The following MARCHF5 variants were observed in gnomAD, a reference collection of about 807,000 sequenced individuals.
MARCHF5 encodes membrane associated ring-CH-type finger 5.
Under a neutral mutation model 36.5 loss-of-function variants are expected in MARCHF5, and 5 were observed. The ratio of observed to expected loss-of-function variants is 0.14; its 90% confidence interval spans 0.07 to 0.29. The LOEUF (loss-of-function observed/expected upper bound fraction) is 0.29, where lower values mean the gene tolerates loss of function less well. MARCHF5 is among the 10% of genes least tolerant of loss of function. The pLI is 1.00. For missense variants in MARCHF5, 179 were observed against 336.3 expected (o/e 0.53, Z 3.66); for synonymous variants, 103 against 109.9 (o/e 0.94, Z 0.39).
intron 1 of MARCHF5, among the ~76,000 whole-genome samples, chr10:92,298,719 T>C (rs1043690771): frequency 1.2e-4 from 18 of 152,124 alleles, no homozygotes; most frequent in Non-Finnish European, 1.0e-4. Flanking sequence ...TGGGACTGCA[T>C]GTCCAGCTAA....
At chr10:92,324,137 T>C (rs1417103629) in intron 2 of MARCHF5, among the ~76,000 whole-genome samples, 2 of 151,910 alleles carry the variant, frequency 1.3e-5, no homozygotes, top group South Asian at 2.1e-4. Context: ...TCTAATGACA[T>C]ATGATGTGAA....
chr10:92,348,048 A>C (rs1843675696), intron 3 of MARCHF5, among the ~76,000 whole-genome samples: 1 of 151,258 alleles, frequency 6.6e-6, no homozygotes, highest in African/African-American at 2.4e-5. Context: ...CTGGGCGTGG[A>C]GGTGCACACC....
intron 2 of MARCHF5, among the ~76,000 whole-genome samples, chr10:92,337,520 A>G (rs1843518516): frequency 6.6e-6 from 1 of 152,116 alleles, no homozygotes; most frequent in African/African-American, 2.4e-5. Context: ...CTCCGTCTCA[A>G]AAAAAATAAA....
At chr10:92,323,737 G>C (rs1345277585) in intron 2 of MARCHF5, among the ~76,000 whole-genome samples, 2 of 152,138 alleles carry the variant, frequency 1.3e-5, no homozygotes, top group Non-Finnish European at 2.9e-5. Flanking sequence ...TAGCTTGGTA[G>C]ATCATTTCAT....
At chr10:92,350,545 G>T (rs913628796) in intron 5 of MARCHF5, among the ~76,000 whole-genome samples, 2 of 152,208 alleles carry the variant, frequency 1.3e-5, no homozygotes, top group Admixed American at 6.5e-5. Flanking sequence ...TTGGTTCACA[G>T]CAGGCTTGCG....
chr10:92,345,782 C>T (rs1490281760), intron 3 of MARCHF5, among the ~76,000 whole-genome samples: 3 of 146,390 alleles, frequency 2.0e-5, no homozygotes, highest in South Asian at 2.2e-4. Context: ...CATCCTCGAA[C>T]TCCCTGGGCT....
chr10:92,342,619 A>T (rs1843593449), intron 3 of MARCHF5, among the ~76,000 whole-genome samples: 1 of 152,128 alleles, frequency 6.6e-6, no homozygotes, highest in African/African-American at 2.4e-5. Flanking sequence ...ATCTGACTTC[A>T]TGTTCTTCTG....
At chr10:92,328,247 A>G (rs558276399) in intron 2 of MARCHF5, among the ~76,000 whole-genome samples, 11 of 149,836 alleles carry the variant, frequency 7.3e-5, no homozygotes, top group Middle Eastern at 7.0e-3. Context: ...ACCACATTAC[A>G]TTTAGTCATG....
At chr10:92,344,892 G>C (rs980028221) in intron 3 of MARCHF5, among the ~76,000 whole-genome samples, 2 of 151,812 alleles carry the variant, frequency 1.3e-5, no homozygotes, top group Admixed American at 6.6e-5. Flanking sequence ...TTTAACCCTT[G>C]CAACAATTTT....
Position 92,291,541 on chromosome 10 carries a change from T to A in MARCHF5, c.35+12T>A. On this transcript the variant is annotated intron_variant, in intron 1 of 5. Transcript: ENST00000358935. ...CAGATGCTGGACAGGTACGGGCAGC[T>A]GTGGGGGGGACCGGGAGCCGCCGAC... is the stretch of plus-strand genomic sequence containing the variant. The A allele has an allele frequency of 6.5e-7, 1 of 1,536,602 alleles. No homozygotes were observed. The highest frequency in any genetic ancestry group is 1.2e-5 in the South Asian group (1 of 83,552).
chr10:92,317,513 A>G (rs980821821), intron 2 of MARCHF5, among the ~76,000 whole-genome samples: 6 of 152,112 alleles, frequency 3.9e-5, no homozygotes, highest in African/African-American at 1.4e-4. Context: ...GTGTAAATGG[A>G]ATTGTTTTCT....
chr10:92,311,386 A>T, intron 2 of MARCHF5, 49 bp downstream of exon 2: 3 of 1,264,512 alleles, frequency 2.4e-6, no homozygotes, highest in Non-Finnish European at 3.3e-6. Flanking sequence ...GTTATTATAT[A>T]TAACTTTATA....
At chr10:92,328,193 G>A (rs1037848228) in intron 2 of MARCHF5, among the ~76,000 whole-genome samples, 5 of 149,342 alleles carry the variant, frequency 3.3e-5, no homozygotes, top group Admixed American at 6.7e-5. Flanking sequence ...ATGACTAAAT[G>A]TAATTCACAT....
At chr10:92,309,960 A>T (rs1843124670) in intron 1 of MARCHF5, among the ~76,000 whole-genome samples, 1 of 152,204 alleles carries the variant, frequency 6.6e-6, no homozygotes, top group Admixed American at 6.5e-5. Context: ...TTTTACTTAG[A>T]TCTTATGAAA....
At chr10:92,331,604 A>G (rs759021321) in intron 2 of MARCHF5, among the ~76,000 whole-genome samples, 26 of 151,926 alleles carry the variant, frequency 1.7e-4, no homozygotes, top group Admixed American at 3.3e-4. Context: ...TATAATTTAC[A>G]TTTATTTTAA....
At position 92,349,488 on chromosome 10, in the gene MARCHF5, G is replaced by A. The variant is rs757883961; in HGVS notation, c.509G>A (p.Arg170His). ...GAGGACTATGTGCTTAGACTGTGGC[G>A]CAAATACTCGAATAAACTACAAATT... ...RWEDYVLRLW[R>H]KYSNKLQILN... The change falls in exon 4 of 6, where the codon CGC (arginine) becomes CAC (histidine). Residue 170 changes from arginine to histidine, a missense_variant. By Grantham distance (29) the Arg-to-His change is conservative. Around this residue, in one of 3 missense-constraint regions of MARCHF5, gnomAD observed 95 missense variants for 139.5 expected, o/e 0.68. Coordinates refer to ENST00000358935, the MANE Select transcript of MARCHF5 (RefSeq NM_017824.5). 6.2e-6 allele frequency: 10 copies of A among 1,613,872 alleles called. No homozygotes were observed. Among genetic ancestry groups the A allele is most frequent in the South Asian group, 1.1e-5 (1 of 90,980 alleles).
At position 92,291,187 on chromosome 10, in the gene MARCHF5, C is replaced by CCGCCGGCAGCAACT. The variant is rs1049496246; in HGVS notation, c.-305_-292dup. Reference sequence around the variant, plus strand: ...CTCTTACCTCACAAAGGTAGCTCCTCCGCCGGCAGCAACTCGGCGCCCGCG... The same window carrying CCGCCGGCAGCAACT: ...CTCTTACCTCACAAAGGTAGCTCCTCCGCCGGCAGCAACTCGCCGGCAGCAACTCGGCGCCCGCG... On this transcript the variant is annotated 5_prime_UTR_variant, in exon 1 of 6. Coordinates refer to ENST00000358935, the MANE Select transcript of MARCHF5 (RefSeq NM_017824.5). 1 of 497,228 alleles carries CCGCCGGCAGCAACT rather than the reference C, an allele frequency of 2.0e-6. No individual in the cohort carries two copies. The highest frequency in any genetic ancestry group is 2.1e-5 in the African/African-American group (1 of 48,160). The allele number at this position is 497,228 out of a possible 1,614,324, so 30.8% of individuals were successfully genotyped here.
At chr10:92,309,450 A>G (rs950373284) in intron 1 of MARCHF5, among the ~76,000 whole-genome samples, 1 of 152,220 alleles carries the variant, frequency 6.6e-6, no homozygotes, top group Non-Finnish European at 1.5e-5. Flanking sequence ...GTGATTCACC[A>G]TAATACTGAT....
intron 2 of MARCHF5, among the ~76,000 whole-genome samples, chr10:92,319,511 G>A (rs1843261749): frequency 6.6e-6 from 1 of 151,660 alleles, no homozygotes; most frequent in Admixed American, 6.6e-5. Context: ...AGCCAGGATG[G>A]TCTCGATCTC....
Sources: allele counts gnomAD v4.1 joint callset (sites outside exome capture counted in the v4.1 genomes callset), GRCh38; gene constraint gnomAD v4.1.1; regional missense constraint gnomAD v4.1.1; transcripts MANE v1.5; gene names NCBI Gene and HGNC (gene_info 2026-07-23, HGNC 2026-07-21).